The following MYO1F variants were observed in gnomAD, a reference collection of about 807,000 sequenced individuals.
MYO1F encodes the protein myosin IF.
MYO1F carries 60 observed loss-of-function variants against 146.6 expected under a neutral mutation model. The ratio of observed to expected loss-of-function variants is 0.41; its 90% CI spans 0.33 to 0.51. The LOEUF (loss-of-function observed/expected upper bound fraction) is 0.51. Among genes scored for constraint, MYO1F ranks in the 20% least tolerant of loss-of-function variants. The probability of loss-of-function intolerance (pLI) is 0.25; values close to 1 mark genes in which losing one functional copy is unlikely to be tolerated. For missense variants in MYO1F, 1,274 were observed against 1,534.3 expected (o/e 0.83, Z 2.83); for synonymous variants, 602 against 602.1 (o/e 1.00, Z 0.00).
Position 8,530,275 on chromosome 19 carries a change from GGCCGC to G in MYO1F, c.2244_2248del (p.Glu748AspfsTer53). The stretch of plus-strand genomic sequence containing the variant: ...CTTGCCCAGGAACTGACGCAGCTCG[GGCCGC>G]TCCTCCAGCCCCAGGTAGTCCCCGA... On this transcript the variant is annotated frameshift_variant, in exon 21 of 28. Transcript: ENST00000644032. LOFTEE classifies it high-confidence loss of function. The surrounding 1 kb of genome is among the most constrained non-coding windows in gnomAD (Gnocchi z 5.8). The G allele has an allele frequency of 6.2e-7, 1 of 1,614,120 alleles. No homozygotes were observed. The highest frequency in any genetic ancestry group is 8.5e-7 in the Non-Finnish European group (1 of 1,180,014).
At chr19:8,527,534 C>G in intron 21 of MYO1F, 51 bp from the exon 22 acceptor site, 8 of 1,603,708 alleles carry the variant, frequency 5.0e-6, no homozygotes, top group Non-Finnish European at 6.8e-6. Flanking sequence ...GCCAGCCTGG[C>G]CACAGAGGAT....
chr19:8,568,298 C>T (rs1045543384), intron 1 of MYO1F, among the ~76,000 whole-genome samples: 1 of 151,832 alleles, frequency 6.6e-6, no homozygotes, highest in African/African-American at 2.4e-5. Flanking sequence ...TGGCGGGCGC[C>T]CGTAGTCCCA....
chr19:8,544,144 G>A (rs982659071), intron 14 of MYO1F, 153 bp downstream of exon 14: 3 of 849,054 alleles, frequency 3.5e-6, no homozygotes, highest in Non-Finnish European at 5.7e-6. Flanking sequence ...TTAGTAGGGG[G>A]TGGATTGAGG....
chr19:8,549,077 A>G (rs1599979831), intron 10 of MYO1F, among the ~76,000 whole-genome samples: 1 of 151,558 alleles, frequency 6.6e-6, no homozygotes, highest in Non-Finnish European at 1.5e-5. Context: ...CAGCCTCCCA[A>G]GTAGCTGGGA....
chr19:8,569,447 A>G (rs1437934116), intron 1 of MYO1F, among the ~76,000 whole-genome samples: 9 of 152,050 alleles, frequency 5.9e-5, no homozygotes. Context: ...CCTTCCTGGT[A>G]TCACACCAGG....
At chr19:8,565,181 GCCA>G (rs1215794235) in intron 1 of MYO1F, among the ~76,000 whole-genome samples, 3 of 152,028 alleles carry the variant, frequency 2.0e-5, no homozygotes, top group Non-Finnish European at 4.4e-5. Flanking sequence ...ACAGGCGTGA[GCCA>G]CCACGCCTGG....
At chr19:8,536,436 G>C (rs751842442) in intron 18 of MYO1F, 40 bp from the exon 19 acceptor site, 47 of 1,608,572 alleles carry the variant, frequency 2.9e-5, no homozygotes, top group Non-Finnish European at 3.6e-5. Flanking sequence ...GCTCATAGCA[G>C]ACAGGCCTGG....
rs569141442 is a variant in MYO1F, at chr19:8,553,981, G to A, written c.326+496C>T. ...TGGCATCGATTGATTGACTGAGATGGGGTCTCACTCTGTTGCCCAGGCTGG... is the reference window on the plus strand; with the variant it reads ...TGGCATCGATTGATTGACTGAGATGAGGTCTCACTCTGTTGCCCAGGCTGG... On this transcript the variant is annotated intron_variant, in intron 4 of 27. Transcript: ENST00000644032. Among the ~76,000 whole-genome samples the A allele has an allele frequency of 7.9e-5, 12 of 151,624 alleles. 1 individual carries two copies. The South Asian group carries it at 2.5e-3, about 32-fold the overall frequency.
Position 8,548,243 on chromosome 19 carries a change from G to A in MYO1F, c.1176C>T (p.Ile392=), listed in dbSNP as rs1334195462. Reference sequence around the variant, plus strand: ...TGGAGGCAGGGGGCCGTACCTGGAAGATCTCGAAGCCGTAAATGTCCAGCA... The same window carrying A: ...TGGAGGCAGGGGGCCGTACCTGGAAAATCTCGAAGCCGTAAATGTCCAGCA... ...IGVLDIYGFE[I]FQKNGFEQFC... is the part of the protein sequence containing the mutation. Residue 392 remains isoleucine, a synonymous_variant, in exon 11 of 28, where the codon ATC becomes ATT. Transcript: ENST00000644032. The A allele has an allele frequency of 6.2e-7, 1 of 1,614,026 alleles. No individual in the cohort carries two copies. Among genetic ancestry groups the A allele is most frequent in the Non-Finnish European group, 8.5e-7 (1 of 1,180,018 alleles).
intron 1 of MYO1F, among the ~76,000 whole-genome samples, chr19:8,564,179 G>A (rs757224249): frequency 8.6e-5 from 13 of 151,738 alleles, no homozygotes; most frequent in Non-Finnish European, 1.5e-4. Flanking sequence ...TCAGGAGTTC[G>A]AGACCAGCCT....
intron 12 of MYO1F, among the ~76,000 whole-genome samples, chr19:8,545,981 G>A (rs188843833): frequency 4.3e-4 from 65 of 151,350 alleles, no homozygotes; most frequent in African/African-American, 1.4e-3. Context: ...GCTCTATGAA[G>A]CCTCCTCGAG....
intron 17 of MYO1F, 127 bp downstream of exon 17, chr19:8,536,822 G>T: frequency 1.5e-6 from 1 of 682,876 alleles, no homozygotes; most frequent in Non-Finnish European, 2.6e-6. Flanking sequence ...GCAGGTGGGG[G>T]ATTGTGGGAG....
intron 27 of MYO1F, 50 bp from the exon 28 acceptor site, chr19:8,521,654 G>A (rs1445041039): frequency 2.6e-6 from 4 of 1,553,554 alleles, no homozygotes; most frequent in Middle Eastern, 1.7e-4. Context: ...CCTGGAGAAA[G>A]CTCTCATGCC....
chr19:8,556,829 G>A (rs1158969702), intron 1 of MYO1F, among the ~76,000 whole-genome samples: 1 of 148,078 alleles, frequency 6.8e-6, no homozygotes, highest in East Asian at 2.0e-4. Context: ...AGAGGTTGCA[G>A]TGAGCCGAGA....
At chr19:8,523,171 A>G (rs922877792) in intron 25 of MYO1F, among the ~76,000 whole-genome samples, 1 of 151,174 alleles carries the variant, frequency 6.6e-6, no homozygotes, top group Admixed American at 6.6e-5. Context: ...AGCTGGGACT[A>G]CAGGCACCTG....
At chr19:8,525,353 C>CG (rs1972220994) in intron 25 of MYO1F, 126 bp downstream of exon 25, 1 of 825,156 alleles carries the variant, frequency 1.2e-6, no homozygotes, top group East Asian at 2.4e-5. Context: ...TGTGGAGCTA[C>CG]GGAGAGTCCT....
At chr19:8,542,745 C>T (rs532439270) in intron 14 of MYO1F, among the ~76,000 whole-genome samples, 5 of 151,258 alleles carry the variant, frequency 3.3e-5, no homozygotes, top group African/African-American at 9.7e-5. Context: ...GGATTACAGG[C>T]GTGTGCCACC....
rs141649251 is a variant in MYO1F at position 8,521,299 on chromosome 19, T to C, written c.*229A>G. The C allele has an allele frequency of 2.2e-4, 131 of 582,906 alleles. No homozygotes were observed. In the East Asian group the frequency reaches 3.7e-3, roughly 16 times the overall value. 36.1% of individuals were successfully genotyped at this position (582,906 alleles called of 1,614,324 possible). ...TAGTCCCCTTTGACACACACAGAAATGGAGAATGGGCAGCAGGTGTGATGT... is the reference window on the plus strand; with the variant it reads ...TAGTCCCCTTTGACACACACAGAAACGGAGAATGGGCAGCAGGTGTGATGT... On this transcript the variant is annotated 3_prime_UTR_variant, in exon 28 of 28. Transcript: ENST00000644032.
intron 27 of MYO1F, among the ~76,000 whole-genome samples, 169 bp from the exon 28 acceptor site, chr19:8,521,773 A>G (rs957313277): frequency 6.6e-6 from 1 of 151,960 alleles, no homozygotes; most frequent in Non-Finnish European, 1.5e-5. Flanking sequence ...CTGGAATTAC[A>G]GGTGTGAGCC....
Sources: allele counts gnomAD v4.1 joint callset (sites outside exome capture counted in the v4.1 genomes callset), GRCh38; gene constraint gnomAD v4.1.1; non-coding constraint Gnocchi (gnomAD v3.1); transcripts MANE v1.5; gene names NCBI Gene and HGNC (gene_info 2026-07-23, HGNC 2026-07-21).